The following COL4A3 variants were observed in gnomAD, a reference collection of about 807,000 sequenced individuals.
COL4A3 encodes the protein collagen type IV alpha 3 chain, also known as collagen alpha-3(IV) chain.
A neutral mutation model predicts 217.4 loss-of-function variants in COL4A3; 135 were observed. That is an observed-to-expected ratio of 0.62 (90% CI 0.54 to 0.72). The LOEUF (loss-of-function observed/expected upper bound fraction) is 0.72, where lower values mean the gene tolerates loss of function less well. Ranked by LOEUF, COL4A3 falls within the 30% of genes least tolerant of loss-of-function variation. The pLI is 0.00. For synonymous variants in COL4A3, 690 were observed against 736.3 expected (o/e 0.94, Z 1.02); for missense variants, 1,868 against 2,119.9 (o/e 0.88, Z 2.33).
chr2:227,299,519 G>A (rs936047089), intron 43 of COL4A3, among the ~76,000 whole-genome samples: 6 of 152,142 alleles, frequency 3.9e-5, no homozygotes, highest in African/African-American at 1.4e-4. Context: ...GACATGTGGG[G>A]ATTATAGGAA....
In COL4A3 at chr2:227,252,013, G is replaced by T. The variant is rs570187750; in HGVS notation, c.645+642G>T. 3.7e-5 allele frequency among the ~76,000 whole-genome samples: 5 copies of T among 135,846 alleles called. No individual in the cohort carries two copies. The South Asian group carries it at 1.3e-3, about 34-fold the overall frequency. 89.1% of individuals were successfully genotyped at this position (135,846 alleles called of 152,430 possible). A position where few individuals can be genotyped will look rare whatever the true frequency, so the allele number is the denominator to read the frequency against. ...GAACCTGGGAGTTGGAGTTTGCAGT[G>T]AGCCAAGATAGCACCACTGCACTCC... On this transcript the variant is annotated intron_variant, in intron 11 of 51. Transcript: ENST00000396578.
intron 1 of COL4A3, among the ~76,000 whole-genome samples, chr2:227,168,472 C>G (rs890738876): frequency 3.3e-5 from 5 of 152,128 alleles, no homozygotes; most frequent in African/African-American, 1.2e-4. Flanking sequence ...GTCTGTTTAT[C>G]TATTGTGAAC....
Position 227,295,252 on chromosome 2 carries a change from A to G in COL4A3, c.3518-17A>G, listed in dbSNP as rs1249285227. 1 of 1,613,684 alleles carries G rather than the reference A, an allele frequency of 6.2e-7. No homozygotes were observed. The highest frequency in any genetic ancestry group is 2.2e-5 in the East Asian group (1 of 44,886). On this transcript the variant is annotated splice_polypyrimidine_tract_variant and intron_variant, in intron 40 of 51. Transcript: ENST00000396578. ...GAAATTGACCAATTATTAACATGCC[A>G]AGATTATCTCTTTCAGGTTTATTGA...
At chr2:227,283,943 G>T in intron 33 of COL4A3, 87 bp downstream of exon 33, 1 of 1,226,038 alleles carries the variant, frequency 8.2e-7, no homozygotes, top group Non-Finnish European at 1.2e-6. Flanking sequence ...TTTCATTGGA[G>T]GGAAAAATAG....
intron 1 of COL4A3, among the ~76,000 whole-genome samples, chr2:227,210,496 AGG>A (rs1287132461): frequency 2.0e-5 from 3 of 151,902 alleles, no homozygotes; most frequent in Non-Finnish European, 4.4e-5. Flanking sequence ...AGGCTGAGAC[AGG>A]AGAATTGTTT....
rs1420245130 is a variant in COL4A3 at position 227,202,865 on chromosome 2, A to C, written c.88-35103A>C. On this transcript the variant is annotated intron_variant, in intron 1 of 51. Coordinates refer to ENST00000396578, the MANE Select transcript of COL4A3 (RefSeq NM_000091.5). ...TATATACATATGTGTATATATACAT[A>C]TATGTGTATATATACATATGTGTAT... 1.7e-3 allele frequency among the ~76,000 whole-genome samples: 71 copies of C among 42,150 alleles called. 5 individuals are homozygous for C. The highest frequency in any genetic ancestry group is 9.8e-3 in the East Asian group (10 of 1,018). 27.7% of individuals were successfully genotyped at this position (42,150 alleles called of 152,430 possible).
chr2:227,203,312 TATACATATATGTGTATAC>T (rs1170227417), intron 1 of COL4A3, among the ~76,000 whole-genome samples: 7 of 18,410 alleles, frequency 3.8e-4, no homozygotes, highest in African/African-American at 2.0e-3. Flanking sequence ...TATGTGTATA[TATACATATATGTGTATAC>T]ATACATATAT....
At chr2:227,280,034 G>T (rs533736229) in intron 29 of COL4A3, 144 bp downstream of exon 29, 5 of 632,368 alleles carry the variant, frequency 7.9e-6, no homozygotes, top group African/African-American at 5.5e-5. Context: ...TTTTTTAAAT[G>T]TTTCTCTGGA....
At chr2:227,195,665 A>ATGTGTGTGTGTG (rs769877364) in intron 1 of COL4A3, among the ~76,000 whole-genome samples, 2,269 of 128,888 alleles carry the variant, frequency 0.018, 66 homozygotes, top group African/African-American at 0.051. Context: ...ATATATATAT[A>ATGTGTGTGTGTG]TATGTGTGTG....
rs1448108531 is a variant in COL4A3, at chr2:227,254,149, G to A, written c.803G>A (p.Gly268Asp). Residue 268 changes from glycine to aspartate, a missense_variant, in exon 14 of 52, where the codon GGC becomes GAC. Around this residue, in one of 2 missense-constraint regions of COL4A3, gnomAD observed 1,503 missense variants for 1,786.1 expected, o/e 0.84. Coordinates refer to ENST00000396578, the MANE Select transcript of COL4A3 (RefSeq NM_000091.5). ...GAAAAGGGAGACAAGGGAGCAATGG[G>A]CGAGCCTGGACCTCCTGGACCCTCA... ...KGEKGDKGAM[G>D]EPGPPGPSGL... 1 of 1,613,876 alleles carries A rather than the reference G, an allele frequency of 6.2e-7. No individual in the cohort carries two copies. The highest frequency in any genetic ancestry group is 8.5e-7 in the Non-Finnish European group (1 of 1,179,938).
chr2:227,264,343 G>A (rs1178149158), intron 21 of COL4A3, among the ~76,000 whole-genome samples: 2 of 152,040 alleles, frequency 1.3e-5, no homozygotes, highest in African/African-American at 4.8e-5. Flanking sequence ...CCCCCCAAGA[G>A]AGGAGCCGCC....
intron 32 of COL4A3, among the ~76,000 whole-genome samples, chr2:227,283,173 T>C (rs1239606261): frequency 6.6e-6 from 1 of 152,236 alleles, no homozygotes; most frequent in Non-Finnish European, 1.5e-5. Flanking sequence ...TCTGTATAAT[T>C]GTTTTAATTT....
At chr2:227,192,507 T>A (rs1168309825) in intron 1 of COL4A3, among the ~76,000 whole-genome samples, 2 of 152,166 alleles carry the variant, frequency 1.3e-5, no homozygotes, top group African/African-American at 4.8e-5. Context: ...TATACATAAA[T>A]GTGAACCCCT....
chr2:227,310,516 A>G (rs972352095), intron 50 of COL4A3, among the ~76,000 whole-genome samples: 19 of 152,162 alleles, frequency 1.2e-4, no homozygotes, highest in Admixed American at 1.0e-3. Flanking sequence ...TGATTTCACT[A>G]TGTTGGCCAG....
chr2:227,231,605 C>T (rs1475300059), intron 1 of COL4A3, among the ~76,000 whole-genome samples: 6 of 152,072 alleles, frequency 3.9e-5, no homozygotes, highest in African/African-American at 1.4e-4. Flanking sequence ...ATTGCAATCT[C>T]TGCCTCCTGG....
At chr2:227,205,695 CT>C in intron 1 of COL4A3, among the ~76,000 whole-genome samples, 1 of 146,980 alleles carries the variant, frequency 6.8e-6, no homozygotes, top group Non-Finnish European at 1.5e-5. Context: ...GACTATACAA[CT>C]TAATTCAACA....
intron 1 of COL4A3, among the ~76,000 whole-genome samples, chr2:227,216,700 C>T (rs1287423829): frequency 6.6e-6 from 1 of 152,134 alleles, no homozygotes; most frequent in East Asian, 1.9e-4. Context: ...ATGTATGCAA[C>T]AGCATCACTC....
chr2:227,249,190 T>G (rs1321996329), intron 9 of COL4A3, among the ~76,000 whole-genome samples: 1 of 121,644 alleles, frequency 8.2e-6, no homozygotes, highest in Non-Finnish European at 1.7e-5. Context: ...AGGTTATAAT[T>G]ATATATAACC....
intron 1 of COL4A3, among the ~76,000 whole-genome samples, chr2:227,220,332 G>A (rs750897313): frequency 2.0e-5 from 3 of 151,678 alleles, no homozygotes; most frequent in Admixed American, 6.6e-5. Flanking sequence ...ACAGGTGCCC[G>A]CCACCACGCC....
Sources: gnomAD v4.1 joint callset for allele counts (sites outside exome capture counted in the v4.1 genomes callset) on GRCh38, gnomAD v4.1.1 for gene constraint, gnomAD v4.1.1 regional missense constraint, MANE v1.5 for transcripts, NCBI Gene and HGNC (gene_info 2026-07-23, HGNC 2026-07-21) for gene names.